ADCY2: variants seen among roughly 807,000 people sequenced by gnomAD.
The protein encoded by ADCY2 is adenylate cyclase type 2.
In ADCY2, 31 loss-of-function variants were observed where a neutral mutation model predicts 125.2. That is an observed-to-expected ratio of 0.25 (90% CI 0.19 to 0.33). ADCY2 has a LOEUF of 0.33. Ranked by LOEUF, ADCY2 falls within the 10% of genes least tolerant of loss-of-function variation. ADCY2 has a pLI of 1.00. For synonymous variants in ADCY2, 512 were observed against 548.4 expected (o/e 0.93, Z 0.93); for missense variants, 904 against 1,418.2 (o/e 0.64, Z 5.82).
At chr5:7,787,519 TTTGA>T (rs986072449) in intron 19 of ADCY2, among the ~76,000 whole-genome samples, 5 of 152,168 alleles carry the variant, frequency 3.3e-5, no homozygotes, top group Non-Finnish European at 7.4e-5. Flanking sequence ...ATGCATTCCA[TTTGA>T]TTGGGGATTT....
intron 11 of ADCY2, among the ~76,000 whole-genome samples, chr5:7,714,738 C>T (rs1027765568): frequency 2.0e-5 from 3 of 152,264 alleles, no homozygotes; most frequent in Admixed American, 1.3e-4. Context: ...CTCAAGGCCT[C>T]CTGGAGAGAA....
chr5:7,735,233 T>C (rs941330767), intron 14 of ADCY2, among the ~76,000 whole-genome samples: 5 of 152,200 alleles, frequency 3.3e-5, no homozygotes, highest in Non-Finnish European at 7.3e-5. Flanking sequence ...AATCTCAGGT[T>C]GTCACATACT....
chr5:7,813,991 C>T (rs1433612953), intron 22 of ADCY2, among the ~76,000 whole-genome samples: 1 of 151,672 alleles, frequency 6.6e-6, no homozygotes, highest in Non-Finnish European at 1.5e-5. Context: ...GCACAAGCCT[C>T]CAAATCAGGT....
intron 4 of ADCY2, among the ~76,000 whole-genome samples, chr5:7,681,335 G>T (rs983388888): frequency 1.3e-5 from 2 of 152,178 alleles, no homozygotes; most frequent in African/African-American, 4.8e-5. Context: ...TTTGAAGACA[G>T]GCACAATATT....
chr5:7,682,905 C>G (rs919990419), intron 4 of ADCY2, among the ~76,000 whole-genome samples: 1 of 152,184 alleles, frequency 6.6e-6, no homozygotes, highest in Admixed American at 6.5e-5. Context: ...TATCATGACT[C>G]CAGCTTCTAG....
chr5:7,790,234 C>T (rs1163575152), intron 20 of ADCY2, among the ~76,000 whole-genome samples: 1 of 152,180 alleles, frequency 6.6e-6, no homozygotes, highest in Non-Finnish European at 1.5e-5. Context: ...CCCTGTTTCC[C>T]CACACTCAGC....
chr5:7,762,976 C>G (rs552567128), intron 16 of ADCY2, among the ~76,000 whole-genome samples: 4 of 118,884 alleles, frequency 3.4e-5, no homozygotes, highest in Non-Finnish European at 5.1e-5. Context: ...ATCATGTCCT[C>G]ATGTATAGCA....
At chr5:7,531,949 T>G (rs1734662676) in intron 3 of ADCY2, among the ~76,000 whole-genome samples, 1 of 152,266 alleles carries the variant, frequency 6.6e-6, no homozygotes, top group Admixed American at 6.5e-5. Context: ...TATTGCAGAC[T>G]GTTCCATGTA....
At chr5:7,507,310 G>A (rs370185308) in intron 2 of ADCY2, among the ~76,000 whole-genome samples, 12,594 of 127,190 alleles carry the variant, frequency 0.099, 517 homozygotes, top group Non-Finnish European at 0.12. Flanking sequence ...GCGTAGTGGC[G>A]GGCGCCTGTA....
At chr5:7,491,127 G>A (rs1008796023) in intron 2 of ADCY2, among the ~76,000 whole-genome samples, 1 of 152,126 alleles carries the variant, frequency 6.6e-6, no homozygotes, top group African/African-American at 2.4e-5. Context: ...TTGATAAATG[G>A]TAGCTGAGTG....
chr5:7,539,642 T>C (rs190787237), intron 3 of ADCY2, among the ~76,000 whole-genome samples: 5 of 152,332 alleles, frequency 3.3e-5, no homozygotes, highest in African/African-American at 1.2e-4. Context: ...GGAAGATTTG[T>C]GCATGTTCCA....
chr5:7,774,145 G>A (rs1743640664), intron 18 of ADCY2, among the ~76,000 whole-genome samples: 1 of 152,208 alleles, frequency 6.6e-6, no homozygotes, highest in Admixed American at 6.5e-5. Context: ...GTTAGGAACG[G>A]CAGTTATCCC....
chr5:7,616,214 AAGTATAATAATGTCAGAAGG>A (rs1250046604), intron 3 of ADCY2, among the ~76,000 whole-genome samples: 1 of 152,184 alleles, frequency 6.6e-6, no homozygotes, highest in African/African-American at 2.4e-5. Flanking sequence ...ATGTCAGAAG[AAGTATAATAATGTCAGAAGG>A]AGTATAATAA....
chr5:7,818,353 C>CTTTTTTTTTTT (rs574092399), intron 23 of ADCY2, among the ~76,000 whole-genome samples: 2 of 141,112 alleles, frequency 1.4e-5, no homozygotes, highest in Non-Finnish European at 1.5e-5. Context: ...TTTTCTTTTT[C>CTTTTTTTTTTT]TTTTTTTTTT....
chr5:7,766,892 G>C, intron 17 of ADCY2, 86 bp downstream of exon 17: 1 of 1,446,780 alleles, frequency 6.9e-7, no homozygotes, highest in East Asian at 2.5e-5. Flanking sequence ...TCTCAGATCT[G>C]TTCTAGACTT....
intron 2 of ADCY2, among the ~76,000 whole-genome samples, chr5:7,515,955 G>C (rs1744240025): frequency 6.6e-6 from 1 of 152,206 alleles, no homozygotes; most frequent in Non-Finnish European, 1.5e-5. Context: ...ATTTTGTGCA[G>C]GTGGTCTGAG....
chr5:7,589,789 C>T (rs968491163), intron 3 of ADCY2, among the ~76,000 whole-genome samples: 6 of 152,104 alleles, frequency 3.9e-5, no homozygotes, highest in African/African-American at 1.4e-4. Context: ...ATACAGCACT[C>T]GGGAGCTCAC....
intron 15 of ADCY2, among the ~76,000 whole-genome samples, chr5:7,753,864 C>G (rs192263774): frequency 2.0e-5 from 3 of 152,190 alleles, no homozygotes; most frequent in African/African-American, 7.2e-5. Context: ...GCAGCAATGC[C>G]TACCAATTTT....
intron 4 of ADCY2, among the ~76,000 whole-genome samples, chr5:7,636,797 C>T (rs1050071830): frequency 2.0e-5 from 3 of 152,114 alleles, no homozygotes; most frequent in African/African-American, 7.2e-5. Context: ...GACCACTGGT[C>T]TTGAACAAAT....
Sources: allele counts gnomAD v4.1 joint callset (sites outside exome capture counted in the v4.1 genomes callset), GRCh38; gene constraint gnomAD v4.1.1; transcripts MANE v1.5; gene names NCBI Gene and HGNC (gene_info 2026-07-23, HGNC 2026-07-21).